The following ZNF248 variants were observed in gnomAD, a reference collection of about 807,000 sequenced individuals.
The protein encoded by ZNF248 is KRAB protein domain.
ZNF248 carries 20 observed loss-of-function variants against 44.3 expected under a neutral mutation model. The observed-to-expected ratio is 0.45, with a 90% CI of 0.32 to 0.66. The LOEUF is 0.66. ZNF248 is among the 30% of genes least tolerant of loss of function. The probability of loss-of-function intolerance (pLI) is 0.04; values close to 1 mark genes in which losing one functional copy is unlikely to be tolerated. For synonymous variants in ZNF248, 224 were observed against 229.0 expected, an observed-to-expected ratio of 0.98 and a Z score of 0.20; for missense variants, 654 against 677.0, an observed-to-expected ratio of 0.97 and a Z score of 0.38.
downstream of ZNF248, among the ~76,000 whole-genome samples, chr10:37,827,490 T>G (rs938797517): frequency 6.6e-6 from 1 of 152,182 alleles, no homozygotes; most frequent in Non-Finnish European, 1.5e-5. Context: ...TCTTCATAAG[T>G]GCTGTCTAGG....
At chr10:37,834,927 C>T (rs2056799166) in intron 5 of ZNF248, among the ~76,000 whole-genome samples, 1 of 152,044 alleles carries the variant, frequency 6.6e-6, no homozygotes, top group African/African-American at 2.4e-5. Context: ...AGACAGGTAG[C>T]AAGGGCTACA....
chr10:37,843,498 C>T (rs778818760), intron 3 of ZNF248, among the ~76,000 whole-genome samples: 3 of 151,442 alleles, frequency 2.0e-5, no homozygotes, highest in Non-Finnish European at 4.4e-5. Context: ...CCCGACTTAC[C>T]ATATTAAAAT....
chr10:37,766,393 A>C, the ZNF248 span, among the ~76,000 whole-genome samples: 1 of 152,048 alleles, frequency 6.6e-6, no homozygotes, highest in African/African-American at 2.4e-5. Flanking sequence ...ATGGCCGGGT[A>C]CTCCTCTGAA....
In ZNF248 at chr10:37,790,928, A is replaced by AG. The variant is rs1361441093; in HGVS notation, c.331-14354_331-14353insC. 2.3e-3 allele frequency among the ~76,000 whole-genome samples: 350 copies of AG among 149,254 alleles called. 3 individuals are homozygous for AG. Among genetic ancestry groups the AG allele is most frequent in the African/African-American group, 8.3e-3 (341 of 41,088 alleles). ...GACTGAGACCCCATTATCTTAAAAA[A>AG]AAAAAAAAAAGTGTACTAGAAGTGT... On this transcript the variant is annotated intron_variant, in intron 6 of 6. Coordinates refer to the ZNF248 transcript ENST00000615949.
intron 6 of ZNF248, among the ~76,000 whole-genome samples, chr10:37,809,789 T>G (rs1299731951): frequency 6.6e-6 from 1 of 152,192 alleles, no homozygotes; most frequent in Non-Finnish European, 1.5e-5. Context: ...CTTTTACTTA[T>G]GGGTTGTTTA....
At chr10:37,772,683 T>C (rs1002518810), downstream of ZNF248, among the ~76,000 whole-genome samples, 3 of 152,232 alleles carry the variant, frequency 2.0e-5, no homozygotes, top group Non-Finnish European at 4.4e-5. Context: ...ACCTGCACTT[T>C]AGACATGGAG....
intron 6 of ZNF248, among the ~76,000 whole-genome samples, chr10:37,802,381 C>T (rs3824584): frequency 0.11 from 16,536 of 152,172 alleles, 1,163 homozygotes; most frequent in Admixed American, 0.19. Flanking sequence ...TCCCTTTAAC[C>T]CTAAGAACAG....
chr10:37,816,645 T>A (rs2052518653), intron 6 of ZNF248, among the ~76,000 whole-genome samples: 1 of 152,192 alleles, frequency 6.6e-6, no homozygotes, highest in South Asian at 2.1e-4. Flanking sequence ...CTTCTTGTTT[T>A]TCATCAAAAT....
At position 37,820,760 on chromosome 10, in the gene ZNF248, G is replaced by C. The variant is rs2053332635; in HGVS notation, c.330+12265C>G. 2.3e-6 allele frequency: 3 copies of C among 1,277,916 alleles called. No homozygotes were observed. In the African/African-American group the frequency reaches 4.4e-5, roughly 19 times the overall value. The allele number at this position is 1,277,916 out of a possible 1,614,324, so 79.2% of individuals were successfully genotyped here. On this transcript the variant is annotated intron_variant, in intron 6 of 6. Coordinates refer to the ZNF248 transcript ENST00000615949. ...CTGGTTGGAAGACTCACTATTAAGTGGTCCCTTTTGTTAAATCTGATGTAC... is the reference window on the plus strand; with the variant it reads ...CTGGTTGGAAGACTCACTATTAAGTCGTCCCTTTTGTTAAATCTGATGTAC...
chr10:37,843,868 A>C (rs1241280945), intron 3 of ZNF248, among the ~76,000 whole-genome samples: 2 of 152,182 alleles, frequency 1.3e-5, no homozygotes, highest in African/African-American at 4.8e-5. Flanking sequence ...TATGAGGAGC[A>C]GAACAGAAAA....
chr10:37,791,617 T>G (rs1443445361), intron 6 of ZNF248: 4 of 152,212 alleles, frequency 2.6e-5, no homozygotes, highest in Non-Finnish European at 5.9e-5. Flanking sequence ...GATGTCATTA[T>G]GAAAAGCATA....
At chr10:37,818,735 T>G (rs2052975354) in intron 6 of ZNF248, 1 of 625,070 alleles carries the variant, frequency 1.6e-6, no homozygotes, top group Non-Finnish European at 2.9e-6. Flanking sequence ...TGGGCATCAA[T>G]GCAGTCCTCC....
chr10:37,853,110 C>T (rs1028985581), intron 3 of ZNF248, among the ~76,000 whole-genome samples: 3 of 151,252 alleles, frequency 2.0e-5, no homozygotes, highest in African/African-American at 7.2e-5. Context: ...TCCCAAAGTG[C>T]TGGGATTTAC....
chr10:37,783,460 G>A (rs1418046054), intron 6 of ZNF248, among the ~76,000 whole-genome samples: 2 of 152,196 alleles, frequency 1.3e-5, no homozygotes, highest in Admixed American at 1.3e-4. Context: ...AGATATGGCA[G>A]TGTGGTCTTA....
the ZNF248 span, among the ~76,000 whole-genome samples, chr10:37,765,414 G>C: frequency 6.6e-6 from 1 of 152,198 alleles, no homozygotes; most frequent in Non-Finnish European, 1.5e-5. Context: ...TGTAGCAATA[G>C]ATAGGTATGT....
rs565398967 is a variant in ZNF248 at position 37,795,807 on chromosome 10, A to G, written c.331-19232T>C. On this transcript the variant is annotated intron_variant, in intron 6 of 6. Coordinates refer to the ZNF248 transcript ENST00000615949. ...ATATGAATCATATTACTGATAGAGT[A>G]CTTTTCTTGAATCAACAAGATTAAT... 7 of 152,356 alleles carry G rather than the reference A, an allele frequency of 4.6e-5. No individual in the cohort carries two copies. The South Asian group carries it at 1.4e-3, about 32-fold the overall frequency. 9.4% of individuals were successfully genotyped at this position (152,356 alleles called of 1,614,324 possible). A position where few individuals can be genotyped will look rare whatever the true frequency, so the allele number is the denominator to read the frequency against.
chr10:37,840,348 T>C (rs2058112321), intron 3 of ZNF248, among the ~76,000 whole-genome samples: 2 of 152,250 alleles, frequency 1.3e-5, no homozygotes, highest in South Asian at 2.1e-4. Context: ...ACACAAATTA[T>C]GCAACTTGAA....
intron 6 of ZNF248, among the ~76,000 whole-genome samples, chr10:37,823,333 C>CAAAAA (rs60957023): frequency 3.4e-4 from 6 of 17,538 alleles, no homozygotes; most frequent in South Asian, 3.8e-3. Flanking sequence ...ACTCCGTCTC[C>CAAAAA]AAAAAAAAAA....
chr10:37,843,015 T>C (rs899340160), intron 3 of ZNF248, among the ~76,000 whole-genome samples: 1 of 152,174 alleles, frequency 6.6e-6, no homozygotes, highest in Non-Finnish European at 1.5e-5. Flanking sequence ...AGAGTCAATG[T>C]GCAAAGACTG....
Sources: allele counts gnomAD v4.1 joint callset (sites outside exome capture counted in the v4.1 genomes callset), GRCh38; gene constraint gnomAD v4.1.1; transcripts MANE v1.5; gene names NCBI Gene and HGNC (gene_info 2026-07-23, HGNC 2026-07-21).